DPP10: variants seen among roughly 807,000 people sequenced by gnomAD.
The protein encoded by DPP10 is inactive dipeptidyl peptidase 10.
DPP10 carries 33 observed loss-of-function variants against 120.9 expected under a neutral mutation model. The ratio of observed to expected loss-of-function variants is 0.27; its 90% confidence interval spans 0.21 to 0.37. The LOEUF is 0.37. DPP10 is among the 10% of genes least tolerant of loss of function. The pLI is 1.00. For synonymous variants in DPP10, 337 were observed against 326.1 expected (o/e 1.03, Z -0.36); for missense variants, 816 against 942.8 (o/e 0.87, Z 1.76).
chr2:115,290,317 A>G (rs369731788), intron 1 of DPP10, among the ~76,000 whole-genome samples: 3 of 152,268 alleles, frequency 2.0e-5, no homozygotes, highest in Non-Finnish European at 2.9e-5. Flanking sequence ...TTAGCTTTCA[A>G]TGTTCAAGTT....
chr2:115,230,739 G>A (rs563662241), intron 1 of DPP10, among the ~76,000 whole-genome samples: 55 of 151,586 alleles, frequency 3.6e-4, no homozygotes, highest in African/African-American at 1.3e-3. Context: ...TGCTTTTTCC[G>A]GTAAAAAAAT....
intron 1 of DPP10, among the ~76,000 whole-genome samples, chr2:115,131,427 T>G (rs1017847233): frequency 3.3e-5 from 5 of 152,028 alleles, no homozygotes; most frequent in Non-Finnish European, 5.9e-5. Flanking sequence ...GTAGGAGGAT[T>G]GCTTGAGTCC....
chr2:115,538,832 C>T (rs985457537), intron 5 of DPP10, among the ~76,000 whole-genome samples: 7 of 151,592 alleles, frequency 4.6e-5, no homozygotes, highest in Admixed American at 2.0e-4. Flanking sequence ...TGTGAGTAGT[C>T]CAAATTGAGG....
At chr2:115,761,111 A>C (rs915126712) in intron 11 of DPP10, among the ~76,000 whole-genome samples, 3 of 151,656 alleles carry the variant, frequency 2.0e-5, no homozygotes, top group Non-Finnish European at 2.9e-5. Flanking sequence ...AAAAAAAAAA[A>C]AAAAAAGGCA....
At chr2:115,758,631 T>A (rs1679725336) in intron 11 of DPP10, among the ~76,000 whole-genome samples, 1 of 152,082 alleles carries the variant, frequency 6.6e-6, no homozygotes, top group Non-Finnish European at 1.5e-5. Context: ...AAAAAATACC[T>A]GAACAAGTCA....
chr2:115,721,004 T>C (rs552027750), intron 7 of DPP10, among the ~76,000 whole-genome samples: 16 of 152,150 alleles, frequency 1.1e-4, no homozygotes, highest in Non-Finnish European at 2.1e-4. Context: ...GAGAACTTCA[T>C]AGGCTTTGAA....
intron 1 of DPP10, among the ~76,000 whole-genome samples, chr2:114,872,972 T>C (rs1028472969): frequency 1.3e-5 from 2 of 152,206 alleles, no homozygotes; most frequent in Non-Finnish European, 2.9e-5. Flanking sequence ...CTGTGAACTC[T>C]TTAAAACGGC....
intron 4 of DPP10, among the ~76,000 whole-genome samples, chr2:115,505,975 A>G (rs1042802457): frequency 6.8e-6 from 1 of 147,554 alleles, no homozygotes; most frequent in Non-Finnish European, 1.5e-5. Context: ...TATAGTTTAT[A>G]AACTAAAATT....
intron 8 of DPP10, among the ~76,000 whole-genome samples, chr2:115,730,089 G>C (rs190526725): frequency 2.2e-4 from 34 of 152,262 alleles, no homozygotes; most frequent in Non-Finnish European, 3.5e-4. Flanking sequence ...TTTCAAGTAA[G>C]GGAGTGACAA....
intron 1 of DPP10, among the ~76,000 whole-genome samples, chr2:115,188,543 G>T (rs1045387475): frequency 6.6e-6 from 1 of 152,078 alleles, no homozygotes. Flanking sequence ...CACAGACCAG[G>T]TCATAAAATA....
intron 1 of DPP10, among the ~76,000 whole-genome samples, chr2:115,247,908 T>C (rs1277666555): frequency 6.6e-6 from 1 of 152,188 alleles, no homozygotes; most frequent in African/African-American, 2.4e-5. Context: ...TATAGCCTTC[T>C]TATATGACTC....
At chr2:114,791,325 C>A (rs1683226178) in intron 1 of DPP10, among the ~76,000 whole-genome samples, 2 of 152,172 alleles carry the variant, frequency 1.3e-5, no homozygotes, top group South Asian at 4.1e-4. Flanking sequence ...GCCCACTGAA[C>A]TAGCGCTGTA....
intron 2 of DPP10, among the ~76,000 whole-genome samples, chr2:115,317,795 G>C (rs767623561): frequency 1.4e-4 from 21 of 151,998 alleles, no homozygotes; most frequent in Non-Finnish European, 2.1e-4. Context: ...ATTTAAGCCT[G>C]TTGCCCATTT....
intron 1 of DPP10, among the ~76,000 whole-genome samples, chr2:114,987,678 GC>G (rs1408120623): frequency 6.6e-6 from 1 of 152,026 alleles, no homozygotes; most frequent in Non-Finnish European, 1.5e-5. Context: ...CTTTCTTAAA[GC>G]TAAAATTAGT....
At chr2:115,457,963 A>G (rs943895641) in intron 3 of DPP10, among the ~76,000 whole-genome samples, 2 of 152,262 alleles carry the variant, frequency 1.3e-5, no homozygotes, top group African/African-American at 4.8e-5. Flanking sequence ...GTGGAATATG[A>G]ATGATTAACA....
At chr2:115,505,391 T>A (rs2076887269) in intron 4 of DPP10, among the ~76,000 whole-genome samples, 3 of 152,156 alleles carry the variant, frequency 2.0e-5, no homozygotes, top group South Asian at 4.1e-4. Flanking sequence ...CTATTAGATA[T>A]ATGTGATAAA....
intron 1 of DPP10, among the ~76,000 whole-genome samples, chr2:114,974,855 T>C (rs1237891653): frequency 6.6e-6 from 1 of 152,072 alleles, no homozygotes; most frequent in Middle Eastern, 3.2e-3. Flanking sequence ...GATGCATAAC[T>C]GTAAAATGAT....
At chr2:115,034,766 C>T (rs757376075) in intron 1 of DPP10, among the ~76,000 whole-genome samples, 11 of 152,214 alleles carry the variant, frequency 7.2e-5, no homozygotes, top group Admixed American at 2.6e-4. Flanking sequence ...ACTGAACTCC[C>T]GTCATGACAA....
chr2:114,829,097 G>A (rs1686832559), intron 1 of DPP10, among the ~76,000 whole-genome samples: 1 of 151,964 alleles, frequency 6.6e-6, no homozygotes, highest in African/African-American at 2.4e-5. Flanking sequence ...GACCACCCTG[G>A]CCAAGATGGT....
Sources: allele counts gnomAD v4.1 joint callset (sites outside exome capture counted in the v4.1 genomes callset), GRCh38; gene constraint gnomAD v4.1.1; transcripts MANE v1.5; gene names NCBI Gene and HGNC (gene_info 2026-07-23, HGNC 2026-07-21).